The following LPIN2 variants were observed in gnomAD, a reference collection of about 807,000 sequenced individuals.
LPIN2 encodes the protein phosphatidate phosphatase LPIN2.
LPIN2 carries 55 observed loss-of-function variants against 111.4 expected under a neutral mutation model. The ratio of observed to expected loss-of-function variants is 0.49; its 90% CI spans 0.40 to 0.62. The LOEUF (loss-of-function observed/expected upper bound fraction) is 0.62, where lower values mean the gene tolerates loss of function less well. LPIN2 is among the 20% of genes least tolerant of loss of function. LPIN2 has a pLI of 0.00. For synonymous variants in LPIN2, 425 were observed against 414.0 expected, an observed-to-expected ratio of 1.03 and a Z score of -0.32; for missense variants, 992 against 1,112.1, an observed-to-expected ratio of 0.89 and a Z score of 1.54.
At chr18:3,004,243 T>C (rs929625602) in intron 1 of LPIN2, among the ~76,000 whole-genome samples, 1 of 152,196 alleles carries the variant, frequency 6.6e-6, no homozygotes, top group Non-Finnish European at 1.5e-5. Context: ...CTTTGAAGCA[T>C]GGGATCCTTG....
chr18:2,920,002 A>C lies in LPIN2; in HGVS notation c.*291T>G, dbSNP rs1315267130. ...TTTTTTCTTCCTTTAAAATGATGCA[A>C]TGGAAGGAGGCCCCAGCTCACAGCA... On this transcript the variant is annotated 3_prime_UTR_variant, in exon 20 of 20. Coordinates refer to ENST00000677752, the MANE Select transcript of LPIN2 (RefSeq NM_001375808.2). 3 of 509,836 alleles carry C rather than the reference A, an allele frequency of 5.9e-6. No individual in the cohort carries two copies. The highest frequency in any genetic ancestry group is 7.1e-6 in the Non-Finnish European group (2 of 279,734). The allele number at this position is 509,836 out of a possible 1,614,324, so 31.6% of individuals were successfully genotyped here.
intron 15 of LPIN2, 22 bp from the exon 16 acceptor site, chr18:2,923,883 G>A: frequency 6.2e-7 from 1 of 1,601,486 alleles, no homozygotes; most frequent in Non-Finnish European, 8.6e-7. Flanking sequence ...GTAGAAACAG[G>A]AAAAGCTATC....
rs749917642 is a variant in LPIN2, at chr18:2,921,520, A to G, written c.2442+13T>C. On this transcript the variant is annotated intron_variant, in intron 18 of 19. Transcript: ENST00000677752. ...TCACCCACATCAGAACCCAGAGCCC[A>G]GGAGATACTCACATTTGGACGGTTT... The G allele has an allele frequency of 1.4e-5, 23 of 1,592,882 alleles. No homozygotes were observed. The highest frequency in any genetic ancestry group is 1.6e-5 in the Non-Finnish European group (18 of 1,160,738).
intron 1 of LPIN2, among the ~76,000 whole-genome samples, chr18:3,003,382 GT>G (rs549210027): frequency 9.0e-4 from 137 of 152,324 alleles, no homozygotes; most frequent in African/African-American, 2.9e-3. Flanking sequence ...TGTATTAGGG[GT>G]TTCCACTGGC....
intron 1 of LPIN2, chr18:2,967,714 C>A (rs190555593): frequency 6.6e-6 from 1 of 152,180 alleles, no homozygotes; most frequent in Non-Finnish European, 1.5e-5. Context: ...CAAGCCCTGA[C>A]GGGGAATCCA....
intron 19 of LPIN2, 24 bp from the exon 20 acceptor site, chr18:2,920,461 G>A: frequency 6.2e-7 from 1 of 1,613,100 alleles, no homozygotes; most frequent in East Asian, 2.2e-5. Flanking sequence ...TGGGGAAGAG[G>A]CACAGGCTAT....
intron 1 of LPIN2, among the ~76,000 whole-genome samples, chr18:2,970,477 C>T (rs1435385476): frequency 6.6e-6 from 1 of 152,254 alleles, no homozygotes; most frequent in East Asian, 1.9e-4. Flanking sequence ...AACACTGACA[C>T]CCCAGGTGGC....
chr18:2,950,147 C>A (rs1481456607), intron 4 of LPIN2: 3 of 152,074 alleles, frequency 2.0e-5, no homozygotes, highest in Non-Finnish European at 4.4e-5. Context: ...CCTGGTTTGA[C>A]CATTTAAAAC....
intron 1 of LPIN2, among the ~76,000 whole-genome samples, chr18:3,001,660 A>G (rs584185): frequency 0.91 from 139,089 of 152,120 alleles, 64,407 homozygotes; most frequent in East Asian, 1. Flanking sequence ...GCATGGAATC[A>G]AATCCCACAA....
chr18:3,011,074 T>C (rs544860544), intron 1 of LPIN2, among the ~76,000 whole-genome samples: 2 of 152,122 alleles, frequency 1.3e-5, no homozygotes, highest in Non-Finnish European at 2.9e-5. Flanking sequence ...TGGAACTTAC[T>C]GAGCAGCTAT....
At chr18:2,998,806 A>G (rs1031169214) in intron 1 of LPIN2, among the ~76,000 whole-genome samples, 4 of 152,260 alleles carry the variant, frequency 2.6e-5, no homozygotes, top group African/African-American at 9.6e-5. Context: ...ATGCCAGGAT[A>G]TAGATACGGT....
At chr18:2,989,598 T>A (rs1187363772) in intron 1 of LPIN2, among the ~76,000 whole-genome samples, 2 of 120,592 alleles carry the variant, frequency 1.7e-5, no homozygotes, top group African/African-American at 6.1e-5. Flanking sequence ...TTGGAAGACT[T>A]CCATTTCTTG....
intron 1 of LPIN2, among the ~76,000 whole-genome samples, chr18:2,985,819 C>A (rs1039567443): frequency 6.6e-6 from 1 of 152,196 alleles, no homozygotes; most frequent in Non-Finnish European, 1.5e-5. Context: ...TACTCCCCCC[C>A]AGTGGCCATA....
intron 1 of LPIN2, among the ~76,000 whole-genome samples, chr18:3,007,343 T>C (rs935789805): frequency 6.6e-6 from 1 of 152,150 alleles, no homozygotes; most frequent in African/African-American, 2.4e-5. Context: ...GGCTAATTTT[T>C]TGTATTTTTA....
At chr18:2,984,510 T>G (rs1272652828) in intron 1 of LPIN2, among the ~76,000 whole-genome samples, 1 of 150,658 alleles carries the variant, frequency 6.6e-6, no homozygotes, top group Non-Finnish European at 1.5e-5. Context: ...TGGAGAAAAA[T>G]GGAAGAAGCC....
chr18:2,967,932 C>A (rs1450248297), intron 1 of LPIN2, among the ~76,000 whole-genome samples: 3 of 152,156 alleles, frequency 2.0e-5, no homozygotes, highest in African/African-American at 4.8e-5. Context: ...TGGCCTACCC[C>A]CCAGGAGCAC....
chr18:2,941,703 G>T (rs986374342), intron 4 of LPIN2, among the ~76,000 whole-genome samples: 4 of 152,208 alleles, frequency 2.6e-5, no homozygotes, highest in Non-Finnish European at 4.4e-5. Flanking sequence ...GAGGCGGGTG[G>T]ATCACGAGGT....
intron 4 of LPIN2, among the ~76,000 whole-genome samples, chr18:2,941,238 T>C (rs907373113): frequency 6.6e-6 from 1 of 152,182 alleles, no homozygotes; most frequent in Non-Finnish European, 1.5e-5. Context: ...ATTTTAACAA[T>C]ACCCTAACCT....
At chr18:2,965,783 T>C (rs141220302) in intron 1 of LPIN2, among the ~76,000 whole-genome samples, 3,306 of 144,978 alleles carry the variant, frequency 0.023, 56 homozygotes, top group Non-Finnish European at 0.035. Context: ...CCAATCCCCC[T>C]CCTACAAAAA....
Sources: gnomAD v4.1 joint callset for allele counts (sites outside exome capture counted in the v4.1 genomes callset) on GRCh38, gnomAD v4.1.1 for gene constraint, MANE v1.5 for transcripts, NCBI Gene and HGNC (gene_info 2026-07-23, HGNC 2026-07-21) for gene names.